The following MCU variants were observed in gnomAD, a reference collection of about 807,000 sequenced individuals.
The protein encoded by MCU is mitochondrial calcium uniporter.
Under a neutral mutation model 45.2 loss-of-function variants are expected in MCU, and 12 were observed. That is an observed-to-expected ratio of 0.27 (90% confidence interval 0.17 to 0.43). The LOEUF (loss-of-function observed/expected upper bound fraction) is 0.43. Ranked by LOEUF, MCU falls within the 20% of genes least tolerant of loss-of-function variation. The probability of loss-of-function intolerance (pLI) is 1.00; values close to 1 mark genes in which losing one functional copy is unlikely to be tolerated. For missense variants in MCU, 324 were observed against 436.7 expected (o/e 0.74, Z 2.30); for synonymous variants, 160 against 165.1 (o/e 0.97, Z 0.24).
intron 1 of MCU, among the ~76,000 whole-genome samples, chr10:72,821,465 G>T (rs1844710947): frequency 6.6e-6 from 1 of 152,146 alleles, no homozygotes. Flanking sequence ...GAGAATGAAA[G>T]TGACCCATTC....
intron 1 of MCU, among the ~76,000 whole-genome samples, chr10:72,696,161 CAAAAAA>C (rs58694098): frequency 9.8e-5 from 3 of 30,636 alleles, no homozygotes; most frequent in Non-Finnish European, 1.7e-4. Flanking sequence ...AACTCCGACT[CAAAAAA>C]AAAAAAAAAA....
chr10:72,835,379 A>G (rs1445384410), intron 2 of MCU, among the ~76,000 whole-genome samples: 1 of 152,190 alleles, frequency 6.6e-6, no homozygotes, highest in African/African-American at 2.4e-5. Flanking sequence ...ACTGTTAGAT[A>G]TGTTTCCTCT....
intron 4 of MCU, among the ~76,000 whole-genome samples, chr10:72,867,711 C>A (rs896047078): frequency 2.0e-5 from 3 of 151,800 alleles, no homozygotes; most frequent in Non-Finnish European, 4.4e-5. Context: ...AAAAATTAGC[C>A]GGGCATGGTG....
chr10:72,855,017 G>A (rs917179673), intron 2 of MCU, among the ~76,000 whole-genome samples: 6 of 152,158 alleles, frequency 3.9e-5, no homozygotes, highest in South Asian at 2.1e-4. Context: ...CAAGGCGGGC[G>A]GATCATTTGA....
At chr10:72,840,517 T>C (rs1311628988) in intron 2 of MCU, among the ~76,000 whole-genome samples, 5 of 152,216 alleles carry the variant, frequency 3.3e-5, no homozygotes, top group African/African-American at 9.6e-5. Flanking sequence ...GTAACTGTTG[T>C]ACACAGTTGG....
intron 5 of MCU, among the ~76,000 whole-genome samples, chr10:72,869,976 T>C (rs989932888): frequency 7.2e-5 from 11 of 152,208 alleles, no homozygotes; most frequent in Admixed American, 2.6e-4. Flanking sequence ...TATATACCTA[T>C]ACGCATTTAT....
In MCU at chr10:72,769,298, G is replaced by A. The variant is rs118009495; in HGVS notation, c.151-65061G>A. ...GTTATGCCATGAAGAATAAAACCGA[G>A]TTCTTGCTCACACAAACAATGACAA... On this transcript the variant is annotated intron_variant, in intron 1 of 7. Transcript: ENST00000373053. Among the ~76,000 whole-genome samples the A allele has an allele frequency of 1.8e-3, 280 of 152,280 alleles. 1 individual carries two copies. Among genetic ancestry groups the A allele is most frequent in the East Asian group, 0.015 (78 of 5,190 alleles).
At chr10:72,862,079 T>G (rs1564577569) in intron 4 of MCU, among the ~76,000 whole-genome samples, 1 of 151,684 alleles carries the variant, frequency 6.6e-6, no homozygotes. Context: ...CCTCCCAGGT[T>G]CACGCCATTC....
At chr10:72,714,121 C>T (rs1447842571) in intron 1 of MCU, among the ~76,000 whole-genome samples, 2 of 151,596 alleles carry the variant, frequency 1.3e-5, no homozygotes, top group Admixed American at 1.3e-4. Flanking sequence ...TGTGCTCTAC[C>T]ACACCTGGCT....
At chr10:72,814,648 C>T (rs575701841) in intron 1 of MCU, among the ~76,000 whole-genome samples, 1 of 152,254 alleles carries the variant, frequency 6.6e-6, no homozygotes, top group Admixed American at 6.5e-5. Flanking sequence ...GCATAACTTG[C>T]CAAATACATA....
At chr10:72,849,681 T>G (rs1388870941) in intron 2 of MCU, among the ~76,000 whole-genome samples, 1 of 152,142 alleles carries the variant, frequency 6.6e-6, no homozygotes, top group Non-Finnish European at 1.5e-5. Context: ...TTAGAAGGTC[T>G]AGACAGAAAG....
chr10:72,843,825 C>A (rs1845080948), intron 2 of MCU, among the ~76,000 whole-genome samples: 1 of 104,800 alleles, frequency 9.5e-6, no homozygotes, highest in African/African-American at 2.9e-5. Flanking sequence ...AGTCTTTTCC[C>A]CTTGTTTAAA....
In MCU at chr10:72,859,185, G is replaced by C. The variant is rs772792413; in HGVS notation, c.229G>C (p.Val77Leu). The change falls in exon 3 of 8, where the codon GTG (valine) becomes CTG (leucine). Residue 77 changes from valine to leucine, a missense_variant. This residue lies in a region of MCU where 111 missense variants were observed against 112.3 expected (regional missense o/e 0.99). Transcript: ENST00000373053. Reference sequence around the variant, plus strand: ...GGGTCTTTTTCATTCAGATGTTACAGTGGTTTATCAAAATGGGTTACCTGT... The same window carrying C: ...GGGTCTTTTTCATTCAGATGTTACACTGGTTTATCAAAATGGGTTACCTGT... ...STVVPSDDVT[V>L]VYQNGLPVIS... The C allele has an allele frequency of 1.9e-6, 3 of 1,592,530 alleles. No homozygotes were observed. Among genetic ancestry groups the C allele is most frequent in the Non-Finnish European group, 2.6e-6 (3 of 1,170,028 alleles).
rs2132911797 is a variant in MCU, at chr10:72,887,666, G to A, written c.*1844G>A. 6.6e-6 allele frequency: 1 copy of A among 152,470 alleles called. No individual in the cohort carries two copies. Among genetic ancestry groups the A allele is most frequent in the Non-Finnish European group, 1.5e-5 (1 of 67,942 alleles). The allele number at this position is 152,470 out of a possible 1,614,324, so 9.4% of individuals were successfully genotyped here. On this transcript the variant is annotated 3_prime_UTR_variant, in exon 8 of 8. Coordinates refer to ENST00000373053, the MANE Select transcript of MCU (RefSeq NM_138357.3). ...TGTATAAAAAGCAATGTACCTTCTG[G>A]AACAATAAATACTTATTCAATTTTT... is the stretch of plus-strand genomic sequence containing the variant.
intron 1 of MCU, among the ~76,000 whole-genome samples, chr10:72,769,891 T>G (rs1323464473): frequency 1.3e-5 from 2 of 152,306 alleles, no homozygotes; most frequent in Non-Finnish European, 2.9e-5. Context: ...GGTCGGTGTT[T>G]TGGTTATTGA....
chr10:72,846,842 G>A (rs1369584439), intron 2 of MCU, among the ~76,000 whole-genome samples: 1 of 152,144 alleles, frequency 6.6e-6, no homozygotes, highest in Non-Finnish European at 1.5e-5. Flanking sequence ...AAGGGAAGGA[G>A]TGGAAAGGAA....
At chr10:72,782,906 T>C (rs558484429) in intron 1 of MCU, among the ~76,000 whole-genome samples, 2 of 152,296 alleles carry the variant, frequency 1.3e-5, no homozygotes, top group African/African-American at 4.8e-5. Context: ...TTTAGAAATA[T>C]TTGTGACTGG....
At chr10:72,859,469 C>CT (rs1845343861) in intron 3 of MCU, 122 bp downstream of exon 3, 1 of 857,292 alleles carries the variant, frequency 1.2e-6, no homozygotes, top group Non-Finnish European at 1.7e-6. Context: ...CTTCAGAAAA[C>CT]TTTTTTCTTT....
intron 1 of MCU, among the ~76,000 whole-genome samples, chr10:72,820,899 C>T (rs773545815): frequency 3.3e-5 from 5 of 150,998 alleles, no homozygotes; most frequent in Non-Finnish European, 7.4e-5. Flanking sequence ...ATACGTGTTC[C>T]GTTTCTGTTG....
Sources: gnomAD v4.1 joint callset for allele counts (sites outside exome capture counted in the v4.1 genomes callset) on GRCh38, gnomAD v4.1.1 for gene constraint, gnomAD v4.1.1 regional missense constraint, MANE v1.5 for transcripts, NCBI Gene and HGNC (gene_info 2026-07-23, HGNC 2026-07-21) for gene names.